PGM3: variants seen among roughly 807,000 people sequenced by gnomAD.
PGM3 encodes the protein phosphoacetylglucosamine mutase.
In PGM3, 40 loss-of-function variants were observed where a neutral mutation model predicts 66.2. The observed-to-expected ratio is 0.60, with a 90% CI of 0.47 to 0.79. The LOEUF (loss-of-function observed/expected upper bound fraction) is 0.79, where lower values mean the gene tolerates loss of function less well. Among genes scored for constraint, PGM3 ranks in the 30% least tolerant of loss-of-function variants. The probability of loss-of-function intolerance (pLI) is 0.00; values close to 1 mark genes in which losing one functional copy is unlikely to be tolerated. For synonymous variants in PGM3, 191 were observed against 224.2 expected (o/e 0.85, Z 1.32); for missense variants, 537 against 643.4 (o/e 0.83, Z 1.79).
rs1015779570 is a variant in PGM3 at position 83,166,663 on chromosome 6, C to T, written c.*2571G>A. On this transcript the variant is annotated 3_prime_UTR_variant, in exon 13 of 13. Transcript: ENST00000513973. Reference sequence around the variant, plus strand: ...GCAAATTTCAACAATGCAAAAACCGCAATTACGTTTGCACCAACCTAATAT... The same window carrying T: ...GCAAATTTCAACAATGCAAAAACCGTAATTACGTTTGCACCAACCTAATAT... 4.0e-6 allele frequency: 5 copies of T among 1,258,502 alleles called. No homozygotes were observed. The highest frequency in any genetic ancestry group is 5.1e-6 in the Non-Finnish European group (5 of 984,568). The allele number at this position is 1,258,502 out of a possible 1,614,324, so 78.0% of individuals were successfully genotyped here. A position where few individuals can be genotyped will look rare whatever the true frequency, so the allele number is the denominator to read the frequency against.
the PGM3 span, chr6:83,153,806 T>C: frequency 5.8e-6 from 8 of 1,375,422 alleles, no homozygotes; most frequent in African/African-American, 1.2e-4. Flanking sequence ...CATGTCACTG[T>C]CTTAGGTAAA....
At chr6:83,189,884 A>G (rs1008762183) in intron 2 of PGM3, among the ~76,000 whole-genome samples, 16 of 152,372 alleles carry the variant, frequency 1.1e-4, no homozygotes, top group Middle Eastern at 3.4e-3. Context: ...TAAGCCAGAC[A>G]CATGAAGACA....
chr6:83,161,320 T>TAAAGTAGA (rs1179269029), downstream of PGM3: 2 of 152,138 alleles, frequency 1.3e-5, no homozygotes, highest in Non-Finnish European at 2.9e-5. Context: ...TAAAAATCTA[T>TAAAGTAGA]AAAGTAGAAA....
At chr6:83,190,562 A>G (rs1337620286) in intron 2 of PGM3, 8 of 491,326 alleles carry the variant, frequency 1.6e-5, no homozygotes, top group African/African-American at 5.9e-5. Context: ...TTGGAAGGAC[A>G]TTGTTATTTC....
chr6:83,155,012 C>T, the PGM3 span, among the ~76,000 whole-genome samples: 271 of 152,226 alleles, frequency 1.8e-3, 1 homozygote, highest in Non-Finnish European at 2.5e-3. Flanking sequence ...CCACGCATTG[C>T]GCTAACCTTA....
At chr6:83,155,005 C>T in the PGM3 span, among the ~76,000 whole-genome samples, 3 of 152,068 alleles carry the variant, frequency 2.0e-5, no homozygotes, top group Admixed American at 6.6e-5. Context: ...CAGTGGGCCA[C>T]GCATTGCGCT....
At chr6:83,189,572 C>G (rs1327059956) in intron 2 of PGM3, among the ~76,000 whole-genome samples, 2 of 152,160 alleles carry the variant, frequency 1.3e-5, no homozygotes, top group African/African-American at 4.8e-5. Context: ...TACAATCCTT[C>G]ACAGACCTAC....
downstream of PGM3, chr6:83,159,943 C>T: frequency 6.2e-7 from 1 of 1,614,082 alleles, no homozygotes; most frequent in Non-Finnish European, 8.5e-7. Context: ...CCTCTGAAAA[C>T]CTTCCTCAGT....
chr6:83,150,628 A>C, the PGM3 span, among the ~76,000 whole-genome samples: 1 of 152,192 alleles, frequency 6.6e-6, no homozygotes, highest in Non-Finnish European at 1.5e-5. Flanking sequence ...GTTTCATTTT[A>C]CATATTAGTT....
the PGM3 span, chr6:83,155,802 G>A: frequency 1.2e-6 from 1 of 857,092 alleles, no homozygotes; most frequent in Non-Finnish European, 1.7e-6. Context: ...CTGTTTGCCA[G>A]CCTGTCTGCC....
chr6:83,183,555 G>A (rs892457237), intron 4 of PGM3, among the ~76,000 whole-genome samples: 2 of 152,060 alleles, frequency 1.3e-5, no homozygotes, highest in African/African-American at 4.8e-5. Context: ...TCTTCAGTCC[G>A]AGGATGAGTC....
At chr6:83,148,828 G>A in the PGM3 span, 1 of 1,550,796 alleles carries the variant, frequency 6.4e-7, no homozygotes, top group Non-Finnish European at 8.6e-7. Context: ...CTATACAACT[G>A]AGTCTTCCAG....
At chr6:83,164,823 G>A (rs1785073944), downstream of PGM3, 2 of 870,846 alleles carry the variant, frequency 2.3e-6, no homozygotes, top group Admixed American at 5.7e-5. Context: ...AGGTAAACAG[G>A]AAGGAAGTCT....
rs990018859 is a variant in PGM3 at position 83,169,109 on chromosome 6, A to G, written c.*125T>C. The G allele has an allele frequency of 9.4e-6, 14 of 1,484,890 alleles. No individual in the cohort carries two copies. The highest frequency in any genetic ancestry group is 1.2e-5 in the Non-Finnish European group (14 of 1,120,024). The allele number at this position is 1,484,890 out of a possible 1,614,324, so 92.0% of individuals were successfully genotyped here. ...GTTAGTGTTTAAGAAAAACAGATCT[A>G]GAGACAATCCAGTAGGCTGCATTGT... On this transcript the variant is annotated 3_prime_UTR_variant, in exon 13 of 13. Coordinates refer to ENST00000513973, the MANE Select transcript of PGM3 (RefSeq NM_015599.3).
chr6:83,157,029 T>TAAAA (rs1409273866), downstream of PGM3, among the ~76,000 whole-genome samples: 16 of 152,254 alleles, frequency 1.1e-4, no homozygotes, highest in South Asian at 1.9e-3. Flanking sequence ...AGTTCTCTTA[T>TAAAA]TCGTTGTTTT....
the PGM3 span, chr6:83,152,184 CAT>C: frequency 1.3e-4 from 92 of 727,122 alleles, 1 homozygote; most frequent in African/African-American, 8.3e-4. Flanking sequence ...TATACATATA[CAT>C]ATATATATAC....
chr6:83,189,835 C>T (rs1340903210), intron 2 of PGM3, among the ~76,000 whole-genome samples: 2 of 152,170 alleles, frequency 1.3e-5, no homozygotes, highest in South Asian at 2.1e-4. Flanking sequence ...CTGCCATTTG[C>T]ATCATGGTTG....
At chr6:83,160,907 T>C (rs550740487), downstream of PGM3, among the ~76,000 whole-genome samples, 188 of 152,264 alleles carry the variant, frequency 1.2e-3, no homozygotes, top group African/African-American at 4.2e-3. Flanking sequence ...TTAAACTTAA[T>C]GGTAAGAACT....
At chr6:83,183,807 C>A in intron 4 of PGM3, among the ~76,000 whole-genome samples, 2 of 151,924 alleles carry the variant, frequency 1.3e-5, no homozygotes, top group East Asian at 3.9e-4. Context: ...CTCACTACAA[C>A]CTCCACCTCC....
Sources: allele counts gnomAD v4.1 joint callset (sites outside exome capture counted in the v4.1 genomes callset), GRCh38; gene constraint gnomAD v4.1.1; transcripts MANE v1.5; gene names NCBI Gene and HGNC (gene_info 2026-07-23, HGNC 2026-07-21).